Variants in XKR5 observed in about 807,000 individuals in gnomAD.
The protein encoded by XKR5 is XK related 5.
In XKR5, 46 loss-of-function variants were observed where a neutral mutation model predicts 40.8. That is an observed-to-expected ratio of 1.13 (90% CI 0.89 to 1.44). XKR5 has a LOEUF of 1.44. XKR5 is among the 40% of genes most tolerant of loss of function. The probability of loss-of-function intolerance (pLI) is 0.00; values close to 1 mark genes in which losing one functional copy is unlikely to be tolerated. For missense variants in XKR5, 1,169 were observed against 844.7 expected, an observed-to-expected ratio of 1.38 and a Z score of -4.76; for synonymous variants, 466 against 356.1, an observed-to-expected ratio of 1.31 and a Z score of -3.48.
intron 5 of XKR5, among the ~76,000 whole-genome samples, chr8:6,818,141 C>A (rs1334010421): frequency 6.6e-6 from 1 of 152,220 alleles, no homozygotes. Context: ...TTTTAACTAG[C>A]GCAGGGCTTT....
chr8:6,814,150 G>A (rs1020407514), intron 6 of XKR5, among the ~76,000 whole-genome samples: 3 of 152,224 alleles, frequency 2.0e-5, no homozygotes, highest in African/African-American at 7.2e-5. Context: ...GCAGCGCGAT[G>A]TCCTCAGTTT....
chr8:6,830,908 G>A (rs887838437), intron 2 of XKR5, among the ~76,000 whole-genome samples: 18 of 152,292 alleles, frequency 1.2e-4, no homozygotes, highest in African/African-American at 2.6e-4. Flanking sequence ...TGGACACACC[G>A]TGGTCCCCTG....
chr8:6,819,420 G>A (rs576098497), intron 5 of XKR5, among the ~76,000 whole-genome samples: 1 of 152,354 alleles, frequency 6.6e-6, no homozygotes, highest in East Asian at 1.9e-4. Flanking sequence ...CAAGATCACA[G>A]TCTGGGCATT....
At chr8:6,822,178 G>T in intron 4 of XKR5, 140 bp from the exon 5 acceptor site, 1 of 775,652 alleles carries the variant, frequency 1.3e-6, no homozygotes, top group Non-Finnish European at 2.0e-6. Context: ...ACCCAGAAGA[G>T]ATTTGAGGGG....
Position 6,815,870 on chromosome 8 carries a change from G to C in XKR5, c.856C>G (p.Leu286Val), listed in dbSNP as rs1219316396. 1 of 1,605,302 alleles carries C rather than the reference G, an allele frequency of 6.2e-7. No homozygotes were observed. The highest frequency in any genetic ancestry group is 1.7e-5 in the Admixed American group (1 of 58,918). Residue 286 changes from leucine to valine, a missense_variant, in exon 6 of 7, where the codon CTC (leucine) becomes GTC (valine). Leu to Val is a conservative substitution (Grantham distance 32). Transcript: ENST00000618742. ...IILLLLATDF[L>V]QGASWTSLQT... ...AGGCTGGTCCACGATGCCCCCTGGA[G>C]AAAGTCGGTGGCCAACAGCAACAGG...
rs1563353244 is a variant in XKR5 at position 6,819,837 on chromosome 8, T to TTCCTTCCTTC, written c.807+2031_807+2032insGAAGGAAGGA. Among the ~76,000 whole-genome samples the TTCCTTCCTTC allele has an allele frequency of 2.5e-4, 35 of 141,006 alleles. 2 individuals are homozygous for TTCCTTCCTTC. In the South Asian group the frequency reaches 7.2e-3, roughly 29 times the overall value. The allele number at this position is 141,006 out of a possible 152,430, so 92.5% of individuals were successfully genotyped here. On this transcript the variant is annotated intron_variant, in intron 5 of 6. Coordinates refer to ENST00000618742, the MANE Select transcript of XKR5 (RefSeq NM_207411.5). The stretch of plus-strand genomic sequence containing the variant: ...CCTTCCTCTTCCCTACCTTCCTTCC[T>TTCCTTCCTTC]CTTCCCTACCTTCCTTTCCTTCCTT...
intron 2 of XKR5, 124 bp downstream of exon 2, chr8:6,832,593 C>T (rs1350574571): frequency 7.7e-7 from 1 of 1,299,712 alleles, no homozygotes; most frequent in Non-Finnish European, 1.1e-6. Context: ...GCTGTGGCCG[C>T]TTTGAACCTC....
Position 6,834,007 on chromosome 8 carries a change from G to T in XKR5, c.59-1107C>A, listed in dbSNP as rs536690103. Among the ~76,000 whole-genome samples, 14 of 152,278 alleles carry T rather than the reference G, an allele frequency of 9.2e-5. No individual in the cohort carries two copies. In the East Asian group the frequency reaches 2.7e-3, roughly 29 times the overall value. The stretch of plus-strand genomic sequence containing the variant: ...TGTGCACTCCGCAGTCAGTAACTCC[G>T]CACTACGAAACCGTTAGTCCCTGTG... On this transcript the variant is annotated intron_variant, in intron 1 of 6. Transcript: ENST00000618742.
Position 6,812,353 on chromosome 8 carries a change from A to G in XKR5, c.920-14T>C, listed in dbSNP as rs1252223468. The G allele has an allele frequency of 3.3e-5, 50 of 1,527,922 alleles. No homozygotes were observed. The highest frequency in any genetic ancestry group is 3.4e-4 in the Middle Eastern group (2 of 5,856). 94.6% of individuals were successfully genotyped at this position (1,527,922 alleles called of 1,614,324 possible). ...GTGAGACACTGCCTGAAAAAGAACAAAAAGACCACAAGGTTATGTTCTTTG... is the reference window on the plus strand; with the variant it reads ...GTGAGACACTGCCTGAAAAAGAACAGAAAGACCACAAGGTTATGTTCTTTG... On this transcript the variant is annotated splice_polypyrimidine_tract_variant and intron_variant, in intron 6 of 6. Coordinates refer to ENST00000618742, the MANE Select transcript of XKR5 (RefSeq NM_207411.5).
intron 2 of XKR5, among the ~76,000 whole-genome samples, chr8:6,829,975 C>T (rs1804685097): frequency 2.0e-5 from 3 of 151,528 alleles, no homozygotes; most frequent in Non-Finnish European, 4.4e-5. Context: ...GTAGCTGGGA[C>T]TACAGGCGCC....
rs1803685343 is a variant in XKR5, at chr8:6,811,501, C to T, written c.1758G>A (p.Val586=). The T allele has an allele frequency of 6.5e-7, 1 of 1,529,032 alleles. No homozygotes were observed. Among genetic ancestry groups the T allele is most frequent in the African/African-American group, 1.4e-5 (1 of 73,006 alleles). The allele number at this position is 1,529,032 out of a possible 1,614,324, so 94.7% of individuals were successfully genotyped here. Residue 586 remains valine (V), a synonymous_variant, in exon 7 of 7, where the codon GTG becomes GTA. Coordinates refer to ENST00000618742, the MANE Select transcript of XKR5 (RefSeq NM_207411.5). ...SPAQPASPHP[V]GLAPFPDTMA... ...TGGTGTCGGGGAAGGGCGCCAAGCCCACTGGGTGGGGCGATGCAGGCTGGG... is the reference window on the plus strand; with the variant it reads ...TGGTGTCGGGGAAGGGCGCCAAGCCTACTGGGTGGGGCGATGCAGGCTGGG...
At chr8:6,822,634 T>C (rs1042959200) in intron 4 of XKR5, among the ~76,000 whole-genome samples, 4 of 152,272 alleles carry the variant, frequency 2.6e-5, no homozygotes, top group Admixed American at 6.5e-5. Context: ...TATTTCTTAA[T>C]GTCTCCAATT....
At chr8:6,814,252 C>G (rs973504535) in intron 6 of XKR5, among the ~76,000 whole-genome samples, 4 of 152,158 alleles carry the variant, frequency 2.6e-5, no homozygotes, top group African/African-American at 9.7e-5. Context: ...GATGCCCGTC[C>G]ATGGGTCGAC....
In XKR5 at chr8:6,811,329, C is replaced by A. The variant is rs530402325; in HGVS notation, c.1930G>T (p.Val644Leu). 6.5e-7 allele frequency: 1 copy of A among 1,537,368 alleles called. No homozygotes were observed. Among genetic ancestry groups the A allele is most frequent in the East Asian group, 2.4e-5 (1 of 40,922 alleles). ...RELSHHAAVG[V>L]WVSLPQLRTA... is the part of the protein sequence containing the mutation. ...CTCAGCTGTGGCAATGACACCCACACACCAACAGCTGCATGGTGACTTAGC... is the reference window on the plus strand; with the variant it reads ...CTCAGCTGTGGCAATGACACCCACAAACCAACAGCTGCATGGTGACTTAGC... The change falls in exon 7 of 7, where the codon GTG becomes TTG. Residue 644 changes from valine (V) to leucine (L), a missense_variant. By Grantham distance (32) the Val-to-Leu change is conservative. Transcript: ENST00000618742.
At chr8:6,820,388 T>C (rs1021002230) in intron 5 of XKR5, among the ~76,000 whole-genome samples, 9 of 152,236 alleles carry the variant, frequency 5.9e-5, no homozygotes, top group Non-Finnish European at 1.3e-4. Context: ...AAGGATTTGC[T>C]TTCTTTCCTT....
intron 5 of XKR5, among the ~76,000 whole-genome samples, chr8:6,820,212 G>A (rs758898772): frequency 3.3e-5 from 5 of 152,260 alleles, no homozygotes; most frequent in African/African-American, 4.8e-5. Flanking sequence ...CCCCGGGCTA[G>A]GACTGCCCGG....
At chr8:6,815,975 C>G in intron 5 of XKR5, 57 bp from the exon 6 acceptor site, 1 of 1,370,092 alleles carries the variant, frequency 7.3e-7, no homozygotes, top group South Asian at 1.2e-5. Flanking sequence ...GCCTAGGGAC[C>G]CCCGTCCCGT....
rs1803647179 is a variant in XKR5, at chr8:6,810,900, A to G, written c.*298T>C. The G allele has an allele frequency of 4.1e-6, 1 of 241,910 alleles. No homozygotes were observed. The highest frequency in any genetic ancestry group is 1.4e-4 in the South Asian group (1 of 7,024). 15.0% of individuals were successfully genotyped at this position (241,910 alleles called of 1,614,324 possible). On this transcript the variant is annotated 3_prime_UTR_variant, in exon 7 of 7. Transcript: ENST00000618742. ...TTCCTAGAAGCCACAGCAAAAAGAT[A>G]AAATAAGGGAACCTACAGCTCATAA... is the stretch of plus-strand genomic sequence containing the variant.
At chr8:6,820,908 C>G (rs1205473093) in intron 5 of XKR5, among the ~76,000 whole-genome samples, 2 of 152,164 alleles carry the variant, frequency 1.3e-5, no homozygotes, top group African/African-American at 4.8e-5. Flanking sequence ...TGACTCCTCC[C>G]ACAGAAGTCT....
Sources: gnomAD v4.1 joint callset for allele counts (sites outside exome capture counted in the v4.1 genomes callset) on GRCh38, gnomAD v4.1.1 for gene constraint, MANE v1.5 for transcripts, NCBI Gene and HGNC (gene_info 2026-07-23, HGNC 2026-07-21) for gene names.